The following COL25A1 variants were observed in gnomAD, a reference collection of about 807,000 sequenced individuals.
COL25A1 encodes collagen alpha-1(XXV) chain.
COL25A1 carries 103 observed loss-of-function variants against 128.4 expected under a neutral mutation model. That is an observed-to-expected ratio of 0.80 (90% CI 0.68 to 0.94). The LOEUF is 0.94. Among genes scored for constraint, COL25A1 ranks in the 40% least tolerant of loss-of-function variants. The pLI is 0.00. For synonymous variants in COL25A1, 279 were observed against 277.2 expected (o/e 1.01, Z -0.06); for missense variants, 745 against 840.0 (o/e 0.89, Z 1.40).
intron 3 of COL25A1, among the ~76,000 whole-genome samples, chr4:109,267,922 T>G (rs772942710): frequency 1.2e-4 from 18 of 152,336 alleles, no homozygotes; most frequent in South Asian, 4.1e-4. Flanking sequence ...TAGTCTATAT[T>G]GTCTTTCCTT....
At chr4:108,989,843 A>G (rs1753998865) in intron 6 of COL25A1, among the ~76,000 whole-genome samples, 2 of 152,202 alleles carry the variant, frequency 1.3e-5, no homozygotes, top group Admixed American at 6.5e-5. Flanking sequence ...TTAAAATGTG[A>G]TATCAGTTGA....
chr4:109,132,170 C>G (rs76824634), intron 3 of COL25A1, among the ~76,000 whole-genome samples: 2 of 152,058 alleles, frequency 1.3e-5, no homozygotes, highest in East Asian at 3.9e-4. Flanking sequence ...CCAACAAAGC[C>G]TCATGGAGGA....
At chr4:109,168,538 C>T (rs974405119) in intron 3 of COL25A1, among the ~76,000 whole-genome samples, 2 of 152,142 alleles carry the variant, frequency 1.3e-5, no homozygotes, top group African/African-American at 4.8e-5. Flanking sequence ...CCTTAGAACA[C>T]TCAGTCATAA....
intron 3 of COL25A1, among the ~76,000 whole-genome samples, chr4:109,178,594 G>A (rs1315306411): frequency 6.6e-6 from 1 of 152,058 alleles, no homozygotes; most frequent in Non-Finnish European, 1.5e-5. Flanking sequence ...GGAGGCCGAG[G>A]CGGGCAGATC....
intron 13 of COL25A1, among the ~76,000 whole-genome samples, chr4:108,910,163 C>A (rs1224194259): frequency 6.6e-6 from 1 of 152,092 alleles, no homozygotes; most frequent in Admixed American, 6.6e-5. Flanking sequence ...CAGCTAATTC[C>A]ATATTTCCTA....
intron 17 of COL25A1, 106 bp downstream of exon 17, chr4:108,889,595 A>T (rs1200314108): frequency 2.1e-6 from 2 of 944,310 alleles, no homozygotes; most frequent in East Asian, 4.8e-5. Context: ...GAGAATAAGA[A>T]CAGAGTTATA....
intron 3 of COL25A1, among the ~76,000 whole-genome samples, chr4:109,299,178 G>A (rs1046610882): frequency 2.0e-5 from 3 of 152,062 alleles, no homozygotes; most frequent in Admixed American, 6.6e-5. Context: ...AAAAAATGCT[G>A]GACTCTACGT....
intron 3 of COL25A1, among the ~76,000 whole-genome samples, chr4:109,182,357 GT>G (rs1157191195): frequency 6.6e-6 from 1 of 152,128 alleles, no homozygotes; most frequent in East Asian, 1.9e-4. Flanking sequence ...GTTTGTTATT[GT>G]TTTCAATTGT....
intron 13 of COL25A1, among the ~76,000 whole-genome samples, chr4:108,905,449 GGCACATGTATACATACGTAACTAACCT>G (rs1371797241): frequency 6.6e-6 from 1 of 151,110 alleles, no homozygotes; most frequent in Admixed American, 6.6e-5. Context: ...ACACCAGCAC[GGCACATGTATACATACGTAACTAACCT>G]GCACAATGTG....
intron 5 of COL25A1, chr4:109,022,248 G>A: frequency 2.2e-6 from 1 of 444,620 alleles, no homozygotes; most frequent in East Asian, 7.1e-5. Flanking sequence ...TCTCAGACTG[G>A]CTGACACTTA....
chr4:108,821,670 G>T (rs1731784295), intron 35 of COL25A1, among the ~76,000 whole-genome samples: 1 of 152,130 alleles, frequency 6.6e-6, no homozygotes, highest in Non-Finnish European at 1.5e-5. Flanking sequence ...TAATATTTTA[G>T]TGAGCCTCAA....
At chr4:109,063,845 A>G (rs1762192281) in intron 3 of COL25A1, among the ~76,000 whole-genome samples, 1 of 152,246 alleles carries the variant, frequency 6.6e-6, no homozygotes, top group African/African-American at 2.4e-5. Context: ...AATAAGTAAC[A>G]GGAATCAAAT....
intron 6 of COL25A1, among the ~76,000 whole-genome samples, chr4:109,006,919 G>A (rs1453030597): frequency 2.0e-5 from 3 of 152,130 alleles, no homozygotes; most frequent in Non-Finnish European, 2.9e-5. Flanking sequence ...GGGCTTGGGG[G>A]AAGAAAGAGC....
chr4:108,887,183 C>T (rs1740936508), intron 18 of COL25A1, among the ~76,000 whole-genome samples: 2 of 152,122 alleles, frequency 1.3e-5, no homozygotes, highest in Non-Finnish European at 2.9e-5. Flanking sequence ...CTCAAACTCT[C>T]ATGCTGAAAA....
intron 3 of COL25A1, among the ~76,000 whole-genome samples, chr4:109,211,290 CTA>C (rs753994624): frequency 0.033 from 3,326 of 101,320 alleles, 50 homozygotes; most frequent in Non-Finnish European, 0.042. Context: ...ATATATGAAA[CTA>C]TATATATATA....
rs143701579 is a variant in COL25A1, at chr4:109,219,382, C to T, written c.367+81201G>A. On this transcript the variant is annotated intron_variant, in intron 3 of 37. Coordinates refer to ENST00000399132, the MANE Select transcript of COL25A1 (RefSeq NM_198721.4). ...GAGGCAGTTTCTACCAACAGTCACACAGAGAATGAGTTTTTTTTTTAAGGT... is the reference window on the plus strand; with the variant it reads ...GAGGCAGTTTCTACCAACAGTCACATAGAGAATGAGTTTTTTTTTTAAGGT... Among the ~76,000 whole-genome samples the T allele has an allele frequency of 3.8e-4, 58 of 152,060 alleles. 1 individual carries two copies. Among genetic ancestry groups the T allele is most frequent in the African/African-American group, 1.3e-3 (55 of 41,496 alleles).
intron 3 of COL25A1, among the ~76,000 whole-genome samples, chr4:109,163,449 G>A (rs1772772762): frequency 6.6e-6 from 1 of 152,148 alleles, no homozygotes; most frequent in Admixed American, 6.5e-5. Flanking sequence ...TGCAAGGTGG[G>A]ACATGAAGGA....
At chr4:109,285,362 C>T (rs138629263) in intron 3 of COL25A1, among the ~76,000 whole-genome samples, 2 of 152,164 alleles carry the variant, frequency 1.3e-5, no homozygotes, top group African/African-American at 2.4e-5. Flanking sequence ...ATTGAAAGCT[C>T]TATTTCAAAT....
intron 11 of COL25A1, 88 bp downstream of exon 11, chr4:108,937,720 T>A: frequency 1.8e-6 from 2 of 1,129,810 alleles, no homozygotes; most frequent in Middle Eastern, 2.0e-4. Flanking sequence ...TAGTCTGTCA[T>A]ATGACAGATA....
Sources: allele counts gnomAD v4.1 joint callset (sites outside exome capture counted in the v4.1 genomes callset), GRCh38; gene constraint gnomAD v4.1.1; transcripts MANE v1.5; gene names NCBI Gene and HGNC (gene_info 2026-07-23, HGNC 2026-07-21).